Variants in WDR25 observed in about 807,000 individuals in gnomAD.
The protein encoded by WDR25 is WD repeat domain 25, also known as WD repeat-containing protein 25.
Under a neutral mutation model 47.7 loss-of-function variants are expected in WDR25, and 35 were observed. That is an observed-to-expected ratio of 0.73 (90% CI 0.56 to 0.97). The LOEUF (loss-of-function observed/expected upper bound fraction) is 0.97, where lower values mean the gene tolerates loss of function less well. WDR25 is among the 50% of genes least tolerant of loss of function. The pLI, the probability that WDR25 is intolerant of heterozygous loss-of-function variation, is 0.00. For missense variants in WDR25, 634 were observed against 704.7 expected (o/e 0.90, Z 1.14); for synonymous variants, 248 against 278.9 (o/e 0.89, Z 1.10).
At chr14:100,408,027 C>T (rs557126519) in intron 2 of WDR25, among the ~76,000 whole-genome samples, 3 of 151,672 alleles carry the variant, frequency 2.0e-5, no homozygotes, top group South Asian at 2.1e-4. Context: ...GCACTGGGGG[C>T]GGGGGTTGGG....
intron 4 of WDR25, among the ~76,000 whole-genome samples, chr14:100,516,684 C>T (rs1901506815): frequency 6.6e-6 from 1 of 152,122 alleles, no homozygotes; most frequent in African/African-American, 2.4e-5. Context: ...ATGGTCACTT[C>T]AGCCCTCATT....
chr14:100,454,529 C>G, intron 2 of WDR25: 1 of 1,050,176 alleles, frequency 9.5e-7, no homozygotes, highest in Non-Finnish European at 1.3e-6. Flanking sequence ...ACAGCAACAA[C>G]AACAAAACTA....
intron 4 of WDR25, among the ~76,000 whole-genome samples, chr14:100,513,690 C>T (rs928606327): frequency 8.7e-4 from 127 of 145,374 alleles, no homozygotes; most frequent in Non-Finnish European, 1.5e-3. Flanking sequence ...AAAGGACCCT[C>T]TTTTTTTTTT....
intron 2 of WDR25, among the ~76,000 whole-genome samples, chr14:100,418,392 G>A (rs1477881658): frequency 6.6e-6 from 1 of 151,800 alleles, no homozygotes; most frequent in Non-Finnish European, 1.5e-5. Context: ...CCAGCACTTT[G>A]GGAGGCCGAG....
At chr14:100,464,783 CTCATCTCATCTCATCTCATCT>C (rs1899560940) in intron 2 of WDR25, among the ~76,000 whole-genome samples, 2 of 116,656 alleles carry the variant, frequency 1.7e-5, no homozygotes, top group African/African-American at 8.9e-5. Context: ...CTCATCTCAT[CTCATCTCATCTCATCTCATCT>C]TCTTTTACCC....
At chr14:100,446,608 A>T (rs1049042861) in intron 2 of WDR25, among the ~76,000 whole-genome samples, 1 of 152,138 alleles carries the variant, frequency 6.6e-6, no homozygotes, top group Non-Finnish European at 1.5e-5. Context: ...GGTAAGTAAC[A>T]CAATACCAAT....
intron 4 of WDR25, among the ~76,000 whole-genome samples, chr14:100,512,106 T>C (rs990456807): frequency 6.6e-6 from 1 of 152,204 alleles, no homozygotes; most frequent in Non-Finnish European, 1.5e-5. Context: ...AGGGTAATTC[T>C]GGCTTCATAG....
chr14:100,484,132 C>G lies in WDR25; in HGVS notation c.1101+8C>G, dbSNP rs1900301547. On this transcript the variant is annotated splice_region_variant and intron_variant, in intron 4 of 6. Coordinates refer to ENST00000402312, the MANE Select transcript of WDR25 (RefSeq NM_001161476.3). ...GATATAAGGACTGGCAAGGTAATAG[C>G]CATATTCCTAACTTGGCCTTTCCAC... 6.2e-7 allele frequency: 1 copy of G among 1,605,598 alleles called. No individual in the cohort carries two copies. The highest frequency in any genetic ancestry group is 1.3e-5 in the African/African-American group (1 of 74,310).
chr14:100,494,318 C>T (rs755601829), intron 4 of WDR25, among the ~76,000 whole-genome samples: 2 of 152,122 alleles, frequency 1.3e-5, no homozygotes, highest in African/African-American at 2.4e-5. Context: ...CTTACAGTGC[C>T]CTTCTGTTTT....
intron 2 of WDR25, among the ~76,000 whole-genome samples, chr14:100,435,074 G>A (rs1161650610): frequency 4.6e-5 from 7 of 152,180 alleles, no homozygotes; most frequent in Non-Finnish European, 7.3e-5. Context: ...CCCACCAGGC[G>A]TTGTGTCTTT....
intron 2 of WDR25, among the ~76,000 whole-genome samples, chr14:100,416,742 T>C (rs1039650300): frequency 6.6e-6 from 1 of 152,166 alleles, no homozygotes; most frequent in African/African-American, 2.4e-5. Flanking sequence ...TGTTCTGTCT[T>C]TGGGCTCACT....
At chr14:100,520,164 A>G (rs879331618) in intron 4 of WDR25, among the ~76,000 whole-genome samples, 27 of 151,158 alleles carry the variant, frequency 1.8e-4, no homozygotes, top group Admixed American at 5.3e-4. Context: ...TTTAAGAACT[A>G]TAATCCAGGT....
chr14:100,475,554 C>T (rs994054516), intron 3 of WDR25, among the ~76,000 whole-genome samples: 1 of 151,930 alleles, frequency 6.6e-6, no homozygotes, highest in Non-Finnish European at 1.5e-5. Flanking sequence ...TGCATGATCT[C>T]ACTTATATGT....
At position 100,499,634 on chromosome 14, in the gene WDR25, G is replaced by T. The variant is rs1197110983; in HGVS notation, c.1101+15510G>T. On this transcript the variant is annotated intron_variant, in intron 4 of 6. Transcript: ENST00000402312. The surrounding 1 kb of genome is among the most constrained non-coding windows in gnomAD (Gnocchi z 4.4). ...TGCAGAGAGATGGGCTGGAGGTGGG[G>T]TGGTGGCTGAGGGAGCAGGGTGGGT... Among the ~76,000 whole-genome samples, 1 of 152,154 alleles carries T rather than the reference G, an allele frequency of 6.6e-6. No homozygotes were observed. The highest frequency in any genetic ancestry group is 2.4e-5 in the African/African-American group (1 of 41,412).
chr14:100,523,781 C>G lies in WDR25; in HGVS notation c.1102-2089C>G, dbSNP rs1352121278. Among the ~76,000 whole-genome samples the G allele has an allele frequency of 2.0e-5, 3 of 152,178 alleles. No individual in the cohort carries two copies. The highest frequency in any genetic ancestry group is 7.2e-5 in the African/African-American group (3 of 41,442). On this transcript the variant is annotated intron_variant, in intron 4 of 6. Coordinates refer to ENST00000402312, the MANE Select transcript of WDR25 (RefSeq NM_001161476.3). The surrounding 1 kb of genome is among the most constrained non-coding windows in gnomAD (Gnocchi z 4.7). The stretch of plus-strand genomic sequence containing the variant: ...TTTCCCCAAGACCATGTCCCTGCAT[C>G]TCTACCAGGGGCCCGCAGTTGCCAG...
At chr14:100,446,652 A>T (rs529218063) in intron 2 of WDR25, among the ~76,000 whole-genome samples, 2 of 152,328 alleles carry the variant, frequency 1.3e-5, no homozygotes, top group East Asian at 3.9e-4. Flanking sequence ...GCTTGAAATT[A>T]ATCAGCAGTT....
intron 2 of WDR25, among the ~76,000 whole-genome samples, chr14:100,426,850 T>A (rs1025912573): frequency 6.6e-6 from 1 of 152,086 alleles, no homozygotes; most frequent in Non-Finnish European, 1.5e-5. Flanking sequence ...CTGGTATGGG[T>A]GCTGCCCTGC....
In WDR25 at chr14:100,391,600, C is replaced by T. The variant is rs752476609; in HGVS notation, c.822+9854C>T. Among the ~76,000 whole-genome samples the T allele has an allele frequency of 2.0e-5, 3 of 152,046 alleles. No homozygotes were observed. The South Asian group carries it at 6.2e-4, about 32-fold the overall frequency. ...AGAAGAAACAAATTGCCCATTTTCT[C>T]TCCACCCAGAGGCAATGACTGCAGA... On this transcript the variant is annotated intron_variant, in intron 2 of 6. Coordinates refer to ENST00000402312, the MANE Select transcript of WDR25 (RefSeq NM_001161476.3).
At chr14:100,475,718 T>C (rs561514082) in intron 3 of WDR25, among the ~76,000 whole-genome samples, 1 of 152,192 alleles carries the variant, frequency 6.6e-6, no homozygotes, top group African/African-American at 2.4e-5. Flanking sequence ...TCTATTGCAC[T>C]GCATGATGAC....
Sources: gnomAD v4.1 joint callset for allele counts (sites outside exome capture counted in the v4.1 genomes callset) on GRCh38, gnomAD v4.1.1 for gene constraint, Gnocchi (gnomAD v3.1) non-coding constraint, MANE v1.5 for transcripts, NCBI Gene and HGNC (gene_info 2026-07-23, HGNC 2026-07-21) for gene names.